Variants in TNFSF4 observed in about 807,000 individuals in gnomAD.
The protein encoded by TNFSF4 is TNF superfamily member 4, also known as tumor necrosis factor ligand superfamily member 4.
TNFSF4 carries 4 observed loss-of-function variants against 7.3 expected under a neutral mutation model. The observed-to-expected ratio is 0.55, with a 90% CI of 0.27 to 1.25. The LOEUF is 1.25. Ranked by LOEUF, TNFSF4 falls within the 50% of genes most tolerant of loss-of-function variation. TNFSF4 has a pLI of 0.12. For synonymous variants in TNFSF4, 76 were observed against 83.7 expected, an observed-to-expected ratio of 0.91 and a Z score of 0.50; for missense variants, 181 against 208.8, an observed-to-expected ratio of 0.87 and a Z score of 0.82.
In TNFSF4 at chr1:173,186,650, C is replaced by A; in HGVS notation, c.418G>T (p.Val140Leu). The change falls in exon 3 of 3, where the codon GTG becomes TTG. Residue 140 changes from valine to leucine, a missense_variant. Physicochemically the swap from Val to Leu is conservative, Grantham distance 32. Transcript: ENST00000281834. ...KKVRSVNSLM[V>L]ASLTYKDKVY... ...TTGTCTTTGTAAGTCAGAGAGGCCA[C>A]CATCAAGGAGTTGACAGACCTGACC... 1.9e-6 allele frequency: 3 copies of A among 1,614,142 alleles called. No homozygotes were observed. The highest frequency in any genetic ancestry group is 2.5e-6 in the Non-Finnish European group (3 of 1,180,000).
At chr1:173,176,936 A>G in the TNFSF4 span, among the ~76,000 whole-genome samples, 3 of 152,294 alleles carry the variant, frequency 2.0e-5, no homozygotes, top group South Asian at 6.2e-4. Flanking sequence ...ACATGTGGAC[A>G]CAGAGAGGGG....
chr1:173,358,814 A>G, the TNFSF4 span, among the ~76,000 whole-genome samples: 1 of 152,232 alleles, frequency 6.6e-6, no homozygotes, highest in Non-Finnish European at 1.5e-5. Flanking sequence ...AAAAGTTTAC[A>G]TATTGTGTCA....
the TNFSF4 span, among the ~76,000 whole-genome samples, chr1:173,440,284 C>A: frequency 6.6e-6 from 1 of 152,132 alleles, no homozygotes; most frequent in Admixed American, 6.5e-5. Flanking sequence ...ATATGGGTTT[C>A]ACTTTTTCCA....
chr1:173,437,255 A>G, the TNFSF4 span, among the ~76,000 whole-genome samples: 6 of 152,118 alleles, frequency 3.9e-5, no homozygotes, highest in Admixed American at 2.6e-4. Flanking sequence ...AAGCATAATA[A>G]AACTGCTTTC....
the TNFSF4 span, among the ~76,000 whole-genome samples, chr1:173,267,396 AG>A: frequency 6.6e-6 from 1 of 152,220 alleles, no homozygotes; most frequent in South Asian, 2.1e-4. Context: ...AAATATATGC[AG>A]CACATATTAT....
At chr1:173,313,387 T>G in the TNFSF4 span, among the ~76,000 whole-genome samples, 3 of 152,140 alleles carry the variant, frequency 2.0e-5, no homozygotes, top group Non-Finnish European at 4.4e-5. Flanking sequence ...TTCAGTTTTG[T>G]TTTAAACTAT....
At chr1:173,274,540 C>G in the TNFSF4 span, among the ~76,000 whole-genome samples, 1 of 152,062 alleles carries the variant, frequency 6.6e-6, no homozygotes, top group Admixed American at 6.6e-5. Context: ...GTGTACACAC[C>G]CTGCACAATC....
At chr1:173,310,408 G>A in the TNFSF4 span, among the ~76,000 whole-genome samples, 1 of 151,788 alleles carries the variant, frequency 6.6e-6, no homozygotes, top group Non-Finnish European at 1.5e-5. Context: ...ATTTGACCCA[G>A]GGGTATTCAG....
chr1:173,242,600 G>T, the TNFSF4 span, among the ~76,000 whole-genome samples: 3 of 152,158 alleles, frequency 2.0e-5, no homozygotes, highest in Non-Finnish European at 2.9e-5. Context: ...GAACTTTAAA[G>T]ATTAGGGGGG....
At chr1:173,340,323 TAC>T in the TNFSF4 span, among the ~76,000 whole-genome samples, 20,039 of 135,522 alleles carry the variant, frequency 0.15, 1,406 homozygotes, top group Middle Eastern at 0.15. Context: ...CTAATCTGTT[TAC>T]ACACACACAC....
At chr1:173,173,832 G>A in the TNFSF4 span, among the ~76,000 whole-genome samples, 1 of 152,194 alleles carries the variant, frequency 6.6e-6, no homozygotes, top group Non-Finnish European at 1.5e-5. Flanking sequence ...TCCTTTCCAG[G>A]CCTCAGAGCC....
the TNFSF4 span, among the ~76,000 whole-genome samples, chr1:173,323,200 C>A: frequency 1.3e-5 from 2 of 152,316 alleles, no homozygotes; most frequent in East Asian, 3.9e-4. Context: ...TCCAGAGGAA[C>A]GATCAGGCAG....
At chr1:173,430,752 T>TA in the TNFSF4 span, among the ~76,000 whole-genome samples, 36 of 152,366 alleles carry the variant, frequency 2.4e-4, no homozygotes, top group African/African-American at 8.4e-4. Context: ...AACGTTTATA[T>TA]AATTTGTGCT....
the TNFSF4 span, among the ~76,000 whole-genome samples, chr1:173,358,050 G>A: frequency 6.6e-6 from 1 of 152,280 alleles, no homozygotes; most frequent in East Asian, 1.9e-4. Context: ...TGAGATGGGG[G>A]GGGGTATCCT....
the TNFSF4 span, among the ~76,000 whole-genome samples, chr1:173,438,016 TATTA>T: frequency 6.6e-6 from 1 of 152,132 alleles, no homozygotes; most frequent in Non-Finnish European, 1.5e-5. Flanking sequence ...TAAACTTAAA[TATTA>T]ATTTGGGAAA....
At chr1:173,429,511 G>C in the TNFSF4 span, among the ~76,000 whole-genome samples, 309 of 152,326 alleles carry the variant, frequency 2.0e-3, 1 homozygote, top group Non-Finnish European at 3.5e-3. Context: ...ATGCTGCTCT[G>C]CTCATTCTCC....
chr1:173,341,533 G>T, the TNFSF4 span, among the ~76,000 whole-genome samples: 1 of 152,148 alleles, frequency 6.6e-6, no homozygotes, highest in Non-Finnish European at 1.5e-5. Flanking sequence ...TAAGAATTCT[G>T]GATGTGGAAT....
At chr1:173,324,086 G>A in the TNFSF4 span, among the ~76,000 whole-genome samples, 5 of 152,156 alleles carry the variant, frequency 3.3e-5, no homozygotes, top group African/African-American at 1.2e-4. Flanking sequence ...TGAAATGAAG[G>A]AAAACATATT....
At chr1:173,271,561 C>T in the TNFSF4 span, among the ~76,000 whole-genome samples, 15 of 152,146 alleles carry the variant, frequency 9.9e-5, no homozygotes, top group Non-Finnish European at 1.6e-4. Context: ...ACTTCTCAAA[C>T]GAAGACATTT....
Sources: gnomAD v4.1 joint callset for allele counts (sites outside exome capture counted in the v4.1 genomes callset) on GRCh38, gnomAD v4.1.1 for gene constraint, MANE v1.5 for transcripts, NCBI Gene and HGNC (gene_info 2026-07-23, HGNC 2026-07-21) for gene names.